Variants in OSBPL5 observed in about 807,000 individuals in gnomAD.
OSBPL5 encodes oxysterol-binding protein-related protein 5.
OSBPL5 carries 71 observed loss-of-function variants against 111.2 expected under a neutral mutation model. That is an observed-to-expected ratio of 0.64 (90% confidence interval 0.53 to 0.78). The LOEUF (loss-of-function observed/expected upper bound fraction) is 0.78, where lower values mean the gene tolerates loss of function less well. Among genes scored for constraint, OSBPL5 ranks in the 30% least tolerant of loss-of-function variants. The probability of loss-of-function intolerance (pLI) is 0.00; values close to 1 mark genes in which losing one functional copy is unlikely to be tolerated. For missense variants in OSBPL5, 1,210 were observed against 1,189.3 expected (o/e 1.02, Z -0.26); for synonymous variants, 549 against 513.9 (o/e 1.07, Z -0.93).
At chr11:3,103,899 T>TGCAGCCCCTTTCCAGTCTGC (rs1564830952) in intron 10 of OSBPL5, among the ~76,000 whole-genome samples, 32 of 107,540 alleles carry the variant, frequency 3.0e-4, no homozygotes, top group African/African-American at 1.4e-3. Context: ...TTCCTGCCTC[T>TGCAGCCCCTTTCCAGTCTGC]GCAGCCCCCT....
chr11:3,122,537 G>T, intron 3 of OSBPL5, 109 bp from the exon 4 acceptor site: 6 of 963,838 alleles, frequency 6.2e-6, no homozygotes, highest in Non-Finnish European at 7.7e-6. Flanking sequence ...AGAGAAGGGC[G>T]CTCCACTCGT....
chr11:3,118,030 A>T (rs1858270104), intron 7 of OSBPL5, among the ~76,000 whole-genome samples: 1 of 152,334 alleles, frequency 6.6e-6, no homozygotes, highest in Admixed American at 6.5e-5. Flanking sequence ...TCTGAAAATG[A>T]GCTTTCCTAA....
chr11:3,110,673 GCTCA>G lies in OSBPL5; in HGVS notation c.692-2732_692-2729del, dbSNP rs888160812. 6.6e-6 allele frequency among the ~76,000 whole-genome samples: 1 copy of G among 152,088 alleles called. No homozygotes were observed. The highest frequency in any genetic ancestry group is 1.5e-5 in the Non-Finnish European group (1 of 68,026). On this transcript the variant is annotated intron_variant, in intron 7 of 21. Transcript: ENST00000263650. This position sits in a 1 kb window ranked among gnomAD's most constrained non-coding sequence, Gnocchi z 5.3. ...CCATTCTATTCCAAGTCACCCCTCT[GCTCA>G]CTGAGATAAATGCATATCTCATTGT...
chr11:3,134,511 C>T (rs1845897970), intron 1 of OSBPL5, among the ~76,000 whole-genome samples: 1 of 152,224 alleles, frequency 6.6e-6, no homozygotes, highest in African/African-American at 2.4e-5. Flanking sequence ...GGCTGGCCCC[C>T]CAGCCCCTCC....
At chr11:3,164,680 CT>C (rs1847059075) in intron 1 of OSBPL5, among the ~76,000 whole-genome samples, 1 of 152,220 alleles carries the variant, frequency 6.6e-6, no homozygotes, top group Non-Finnish European at 1.5e-5. Context: ...AGGCAGCCCC[CT>C]GACTCTGCGG....
intron 7 of OSBPL5, among the ~76,000 whole-genome samples, chr11:3,116,030 C>T (rs1243709108): frequency 6.6e-6 from 1 of 151,984 alleles, no homozygotes; most frequent in Admixed American, 6.5e-5. Context: ...CTTTTTCTAA[C>T]CTAATCCTTG....
In OSBPL5 at chr11:3,090,636, C is replaced by T. The variant is rs2277301; in HGVS notation, c.2320G>A (p.Ala774Thr). ...GGCGTGGATCCGCTGCTCTCCGTGGCCTGGCTGTGGCCGGAGGGCTGGTCG... is the reference window on the plus strand; with the variant it reads ...GGCGTGGATCCGCTGCTCTCCGTGGTCTGGCTGTGGCCGGAGGGCTGGTCG... ...ASDQPSGHSQ[A>T]TESSGSTPES... Residue 774 changes from alanine (A) to threonine (T), a missense_variant, in exon 20 of 22, where the codon GCC becomes ACC. Physicochemically the swap from Ala to Thr is moderately conservative, Grantham distance 58. Coordinates refer to ENST00000263650, the MANE Select transcript of OSBPL5 (RefSeq NM_020896.4). 321,096 of 1,612,596 alleles carry T rather than the reference C, an allele frequency of 0.2. 34,431 individuals are homozygous for T. Among genetic ancestry groups the T allele is most frequent in the South Asian group, 0.28 (25,238 of 91,060 alleles).
chr11:3,092,401 C>A lies in OSBPL5; in HGVS notation c.2259+31G>T. 1 of 1,548,326 alleles carries A rather than the reference C, an allele frequency of 6.5e-7. No individual in the cohort carries two copies. Among genetic ancestry groups the A allele is most frequent in the Non-Finnish European group, 8.7e-7 (1 of 1,142,918 alleles). ...TGGTGGCCACACGTGCAGCTAAGAC[C>A]AGCCCTGGGTGGGGCCTGTGGGGTG... On this transcript the variant is annotated intron_variant, in intron 19 of 21. Coordinates refer to ENST00000263650, the MANE Select transcript of OSBPL5 (RefSeq NM_020896.4). This position sits in a 1 kb window ranked among gnomAD's most constrained non-coding sequence, Gnocchi z 5.4.
intron 1 of OSBPL5, among the ~76,000 whole-genome samples, chr11:3,147,003 GCA>G (rs1203737108): frequency 6.6e-6 from 1 of 152,202 alleles, no homozygotes; most frequent in Non-Finnish European, 1.5e-5. Context: ...CGCACAGCCC[GCA>G]CCTTGTTAGC....
rs531799704 is a variant in OSBPL5, at chr11:3,155,214, G to A, written c.-22+10002C>T. Among the ~76,000 whole-genome samples the A allele has an allele frequency of 2.0e-5, 3 of 152,340 alleles. No homozygotes were observed. In the South Asian group the frequency reaches 6.2e-4, roughly 32 times the overall value. On this transcript the variant is annotated intron_variant, in intron 1 of 21. Coordinates refer to ENST00000263650, the MANE Select transcript of OSBPL5 (RefSeq NM_020896.4). ...CCCAGCAAGCTCACACACCGGCCCA[G>A]GAGGGCCTTCCTAGGACAGTTGGGC...
chr11:3,118,405 G>T (rs1001171705), intron 7 of OSBPL5, among the ~76,000 whole-genome samples: 1 of 152,056 alleles, frequency 6.6e-6, no homozygotes. Flanking sequence ...TGATTGTCCC[G>T]CCTTTCCAGA....
At chr11:3,095,050 AAAC>A (rs1857207482) in intron 14 of OSBPL5, among the ~76,000 whole-genome samples, 1 of 152,180 alleles carries the variant, frequency 6.6e-6, no homozygotes, top group Non-Finnish European at 1.5e-5. Context: ...TGAAGAAAAG[AAAC>A]AACAAGCTAC....
intron 3 of OSBPL5, among the ~76,000 whole-genome samples, chr11:3,123,901 C>G (rs1174792616): frequency 1.3e-5 from 2 of 152,222 alleles, no homozygotes; most frequent in Non-Finnish European, 2.9e-5. Context: ...GGGCATGGAA[C>G]CGTTCCACGG....
chr11:3,099,302 G>A (rs1220425310), intron 14 of OSBPL5, among the ~76,000 whole-genome samples: 1 of 152,200 alleles, frequency 6.6e-6, no homozygotes, highest in African/African-American at 2.4e-5. Flanking sequence ...GGTAATGGCA[G>A]ATACATGTCC....
rs1430169934 is a variant in OSBPL5 at position 3,141,568 on chromosome 11, T to C, written c.-21-12399A>G. Among the ~76,000 whole-genome samples the C allele has an allele frequency of 6.6e-6, 1 of 152,198 alleles. No homozygotes were observed. Among genetic ancestry groups the C allele is most frequent in the Non-Finnish European group, 1.5e-5 (1 of 68,022 alleles). The stretch of plus-strand genomic sequence containing the variant: ...GAAATGGCATTAATGGGGTCCATTA[T>C]GGCCCGAGTTGCGCAGAGAGGACAG... On this transcript the variant is annotated intron_variant, in intron 1 of 21. Transcript: ENST00000263650. The surrounding 1 kb of genome is among the most constrained non-coding windows in gnomAD (Gnocchi z 6.5).
At position 3,127,175 on chromosome 11, in the gene OSBPL5, G is replaced by A. The variant is rs1001414188; in HGVS notation, c.137-620C>T. On this transcript the variant is annotated intron_variant, in intron 2 of 21. Transcript: ENST00000263650. ...ACGATTTCTGGACAGGAGGAAGGAG[G>A]GGATGGCTGCAGGGGAAGCCTGAGG... 8.6e-4 allele frequency among the ~76,000 whole-genome samples: 131 copies of A among 152,378 alleles called. 1 individual carries two copies. Among genetic ancestry groups the A allele is most frequent in the Non-Finnish European group, 7.3e-5 (5 of 68,038 alleles).
chr11:3,131,563 T>TATC (rs1858839179), intron 1 of OSBPL5, among the ~76,000 whole-genome samples: 1 of 119,210 alleles, frequency 8.4e-6, no homozygotes. Context: ...ACCCATTCAT[T>TATC]CATCCATCCA....
At chr11:3,127,670 G>T (rs925676220) in intron 2 of OSBPL5, among the ~76,000 whole-genome samples, 2 of 152,230 alleles carry the variant, frequency 1.3e-5, no homozygotes, top group African/African-American at 4.8e-5. Context: ...TATAGTTCTA[G>T]GGGCTTGGCC....
chr11:3,118,910 A>T (rs139848932), intron 7 of OSBPL5, among the ~76,000 whole-genome samples: 37 of 151,840 alleles, frequency 2.4e-4, no homozygotes, highest in Non-Finnish European at 4.6e-4. Flanking sequence ...CCTGTCTCAG[A>T]TGTTTGGGGT....
Sources: allele counts gnomAD v4.1 joint callset (sites outside exome capture counted in the v4.1 genomes callset), GRCh38; gene constraint gnomAD v4.1.1; non-coding constraint Gnocchi (gnomAD v3.1); transcripts MANE v1.5; gene names NCBI Gene and HGNC (gene_info 2026-07-23, HGNC 2026-07-21).